AGAP9: variants seen among roughly 807,000 people sequenced by gnomAD.
AGAP9 encodes the protein arf-GAP with GTPase, ANK repeat and PH domain-containing protein 9.
In AGAP9, 23 loss-of-function variants were observed where a neutral mutation model predicts 55.6. The observed-to-expected ratio is 0.41, with a 90% CI of 0.30 to 0.59. The LOEUF (loss-of-function observed/expected upper bound fraction) is 0.59, where lower values mean the gene tolerates loss of function less well. AGAP9 is among the 20% of genes least tolerant of loss of function. The pLI, the probability that AGAP9 is intolerant of heterozygous loss-of-function variation, is 0.25. For missense variants in AGAP9, 309 were observed against 808.1 expected, an observed-to-expected ratio of 0.38 and a Z score of 7.49; for synonymous variants, 120 against 305.0, an observed-to-expected ratio of 0.39 and a Z score of 6.32.
rs1840574893 is a variant in AGAP9, at chr10:47,510,153, C to T, written c.497+18G>A. 1 of 1,188,134 alleles carries T rather than the reference C, an allele frequency of 8.4e-7. No individual in the cohort carries two copies. The highest frequency in any genetic ancestry group is 1.7e-5 in the African/African-American group (1 of 58,316). 73.6% of individuals were successfully genotyped at this position (1,188,134 alleles called of 1,614,324 possible). ...CCGAATAAAGGAATCTGTCCCTCGG[C>T]AGCATAGTTGTACTCACGATATTAT... On this transcript the variant is annotated intron_variant, in intron 5 of 7. Coordinates refer to ENST00000452145, the MANE Select transcript of AGAP9 (RefSeq NM_001190810.1).
At position 47,502,469 on chromosome 10, in the gene AGAP9, G is replaced by T. The variant is rs1252769944; in HGVS notation, c.1660C>A (p.Pro554Thr). 4.3e-6 allele frequency: 7 copies of T among 1,612,944 alleles called. No homozygotes were observed. The Admixed American group carries it at 1.2e-4, about 27-fold the overall frequency. Residue 554 changes from proline to threonine, a missense_variant, in exon 8 of 8, where the codon CCC becomes ACC. Transcript: ENST00000452145. ...TCTTCCCTCGTGGACTTTATTGAGG[G>T]TTTTGTCTGCCCCTGGCTGCTCCCT... ...WEGSSQGQTK[P>T]SIKSTREEKE...
At chr10:47,522,447 T>A (rs1840868349) in intron 2 of AGAP9, among the ~76,000 whole-genome samples, 1 of 150,514 alleles carries the variant, frequency 6.6e-6, no homozygotes. Flanking sequence ...GCCCCGGCTG[T>A]GACATTTTAT....
Position 47,511,225 on chromosome 10 carries a change from G to A in AGAP9, c.397-954C>T, listed in dbSNP as rs1454185590. Reference sequence around the variant, plus strand: ...CCCAAAGTACTGGGATTACAGGCGTGAGCCACGGCGCCCAGTCCTTCTATT... The same window carrying A: ...CCCAAAGTACTGGGATTACAGGCGTAAGCCACGGCGCCCAGTCCTTCTATT... On this transcript the variant is annotated intron_variant, in intron 4 of 7. Transcript: ENST00000452145. 2.8e-4 allele frequency among the ~76,000 whole-genome samples: 39 copies of A among 141,120 alleles called. 4 individuals are homozygous for A. Among genetic ancestry groups the A allele is most frequent in the Non-Finnish European group, 5.3e-4 (35 of 65,428 alleles). The allele number at this position is 141,120 out of a possible 152,430, so 92.6% of individuals were successfully genotyped here. A position where few individuals can be genotyped will look rare whatever the true frequency, so the allele number is the denominator to read the frequency against.
intron 6 of AGAP9, among the ~76,000 whole-genome samples, chr10:47,505,390 G>C (rs1840456459): frequency 9.7e-6 from 1 of 102,672 alleles, no homozygotes. Context: ...AACATAGCCT[G>C]AATTTCTTAA....
rs1199434578 is a variant in AGAP9, at chr10:47,502,461, T to G, written c.1668A>C (p.Ile556=). 1.2e-5 allele frequency: 19 copies of G among 1,612,696 alleles called. No individual in the cohort carries two copies. The highest frequency in any genetic ancestry group is 1.5e-5 in the Non-Finnish European group (18 of 1,179,942). The change falls in exon 8 of 8, where the codon ATA becomes ATC. Residue 556 remains isoleucine (I), a synonymous_variant. Coordinates refer to ENST00000452145, the MANE Select transcript of AGAP9 (RefSeq NM_001190810.1). Reference sequence around the variant, plus strand: ...ATTCCTTCTCTTCCCTCGTGGACTTTATTGAGGGTTTTGTCTGCCCCTGGC... The same window carrying G: ...ATTCCTTCTCTTCCCTCGTGGACTTGATTGAGGGTTTTGTCTGCCCCTGGC... ...GSSQGQTKPS[I]KSTREEKEWW...
intron 4 of AGAP9, among the ~76,000 whole-genome samples, chr10:47,510,805 G>A (rs1255418810): frequency 5.3e-3 from 499 of 93,526 alleles, no homozygotes; most frequent in African/African-American, 0.026. Context: ...ACTCCAGGCC[G>A]GGAGACAAAG....
chr10:47,515,830 A>C (rs1373464080), intron 4 of AGAP9, among the ~76,000 whole-genome samples: 4 of 119,588 alleles, frequency 3.3e-5, no homozygotes, highest in Non-Finnish European at 6.9e-5. Flanking sequence ...ATGAAAAGCT[A>C]GTCAGGCTTC....
rs4013536 is a variant in AGAP9, at chr10:47,502,991, C to T, written c.1138G>A (p.Gly380Ser). The T allele has an allele frequency of 0.038, 53,449 of 1,407,844 alleles. 15,693 individuals carry two copies. Among genetic ancestry groups the T allele is most frequent in the East Asian group, 0.3 (8,039 of 26,900 alleles). The allele number at this position is 1,407,844 out of a possible 1,614,324, so 87.2% of individuals were successfully genotyped here. Residue 380 changes from glycine (G) to serine (S), a missense_variant, in exon 8 of 8, where the codon GGT becomes AGT. Physicochemically the swap from Gly to Ser is moderately conservative, Grantham distance 56. Coordinates refer to ENST00000452145, the MANE Select transcript of AGAP9 (RefSeq NM_001190810.1). ...TTGGGGCTGGTGGTGCTGGAGATAC[C>T]GGGGCTGAAGCATATGGAGTCACCC... ...GLGDSICFSP[G>S]ISSTTSPKLN... is the part of the protein sequence containing the mutation.
chr10:47,508,109 G>T (rs1437690041), intron 5 of AGAP9, among the ~76,000 whole-genome samples: 1 of 125,792 alleles, frequency 7.9e-6, no homozygotes, highest in Non-Finnish European at 1.7e-5. Flanking sequence ...TTGTTGCCCA[G>T]GCTGGAGTGC....
Position 47,519,170 on chromosome 10 carries a change from A to G in AGAP9, c.362-1313T>C, listed in dbSNP as rs1479685676. Among the ~76,000 whole-genome samples the G allele has an allele frequency of 3.3e-4, 45 of 136,722 alleles. 8 individuals are homozygous for G. Among genetic ancestry groups the G allele is most frequent in the African/African-American group, 1.2e-3 (42 of 34,824 alleles). 89.7% of individuals were successfully genotyped at this position (136,722 alleles called of 152,430 possible). A position where few individuals can be genotyped will look rare whatever the true frequency, so the allele number is the denominator to read the frequency against. ...AAGCAAATTCTCATTATGGTAATTT[A>G]AAAGGCTGTGGTACTGGCCAGGTGC... is the stretch of plus-strand genomic sequence containing the variant. On this transcript the variant is annotated intron_variant, in intron 3 of 7. Coordinates refer to ENST00000452145, the MANE Select transcript of AGAP9 (RefSeq NM_001190810.1).
At chr10:47,514,075 C>G (rs1490142647) in intron 4 of AGAP9, among the ~76,000 whole-genome samples, 5 of 141,920 alleles carry the variant, frequency 3.5e-5, no homozygotes, top group Non-Finnish European at 1.5e-5. Context: ...GAACAATCAA[C>G]AGAGTATACA....
At chr10:47,519,054 C>T (rs1840767649) in intron 3 of AGAP9, among the ~76,000 whole-genome samples, 1 of 135,268 alleles carries the variant, frequency 7.4e-6, no homozygotes, top group African/African-American at 2.9e-5. Context: ...TAACATGTGA[C>T]CCTTAATGTT....
Position 47,507,720 on chromosome 10 carries a change from G to A in AGAP9, c.498-137C>T, listed in dbSNP as rs1417062642. The stretch of plus-strand genomic sequence containing the variant: ...CTTCTAGTTCAGAACAGTACCATAA[G>A]GGCACTTTGTTTTCATTTCTTTGTT... On this transcript the variant is annotated intron_variant, in intron 5 of 7. Transcript: ENST00000452145. 3.8e-5 allele frequency: 23 copies of A among 605,936 alleles called. 1 individual carries two copies. In the African/African-American group the frequency reaches 4.8e-4, roughly 13 times the overall value. The allele number at this position is 605,936 out of a possible 1,614,324, so 37.5% of individuals were successfully genotyped here. A position where few individuals can be genotyped will look rare whatever the true frequency, so the allele number is the denominator to read the frequency against.
intron 4 of AGAP9, among the ~76,000 whole-genome samples, chr10:47,513,958 C>T (rs1236416635): frequency 7.3e-6 from 1 of 137,162 alleles, no homozygotes; most frequent in Non-Finnish European, 1.6e-5. Flanking sequence ...TGGAAAAACC[C>T]GTCTAGACAC....
At chr10:47,507,622 C>A (rs1322987271) in intron 5 of AGAP9, 39 bp from the exon 6 acceptor site, 2 of 1,529,270 alleles carry the variant, frequency 1.3e-6, no homozygotes, top group African/African-American at 2.9e-5. Context: ...TAGATGTTAT[C>A]ATTTGTTAGG....
intron 7 of AGAP9, among the ~76,000 whole-genome samples, chr10:47,503,972 A>C (rs1184869142): frequency 8.6e-6 from 1 of 116,098 alleles, no homozygotes; most frequent in Non-Finnish European, 1.7e-5. Flanking sequence ...AAAAAGATAC[A>C]TTTTCTGTTG....
At chr10:47,522,459 C>T (rs1840869015) in intron 2 of AGAP9, among the ~76,000 whole-genome samples, 2 of 150,678 alleles carry the variant, frequency 1.3e-5, no homozygotes, top group Non-Finnish European at 1.5e-5. Context: ...ACATTTTATA[C>T]CTTTCACAAT....
chr10:47,506,008 G>C (rs1208956428), intron 6 of AGAP9, among the ~76,000 whole-genome samples: 1 of 142,398 alleles, frequency 7.0e-6, no homozygotes, highest in Non-Finnish European at 1.5e-5. Flanking sequence ...AATACTTAAA[G>C]GCCTGTTAAA....
Position 47,502,848 on chromosome 10 carries a change from C to A in AGAP9, c.1281G>T (p.Thr427=). ...GGACCCAGGCATCCCGCTCCTCATACGTCGTGGCTTCAAAGTGCCACGTTT... is the reference window on the plus strand; with the variant it reads ...GGACCCAGGCATCCCGCTCCTCATAAGTCGTGGCTTCAAAGTGCCACGTTT... ...TGQTWHFEAT[T]YEERDAWVQA... Residue 427 remains threonine (T), a synonymous_variant, in exon 8 of 8, where the codon ACG becomes ACT. Transcript: ENST00000452145. The A allele has an allele frequency of 6.2e-7, 1 of 1,601,728 alleles. No homozygotes were observed. Among genetic ancestry groups the A allele is most frequent in the Non-Finnish European group, 8.5e-7 (1 of 1,176,228 alleles).
Sources: allele counts gnomAD v4.1 joint callset (sites outside exome capture counted in the v4.1 genomes callset), GRCh38; gene constraint gnomAD v4.1.1; transcripts MANE v1.5; gene names NCBI Gene and HGNC (gene_info 2026-07-23, HGNC 2026-07-21).